Variants in MAP2K4 observed in about 807,000 individuals in gnomAD.
The protein encoded by MAP2K4 is mitogen-activated protein kinase kinase 4.
In MAP2K4, 4 loss-of-function variants were observed where a neutral mutation model predicts 48.5. The observed-to-expected ratio is 0.08, with a 90% CI of 0.04 to 0.19. MAP2K4 has a LOEUF of 0.19. Among genes scored for constraint, MAP2K4 ranks in the 10% least tolerant of loss-of-function variants. MAP2K4 has a pLI of 1.00. For synonymous variants in MAP2K4, 166 were observed against 173.1 expected (o/e 0.96, Z 0.32); for missense variants, 258 against 493.3 (o/e 0.52, Z 4.52).
In MAP2K4 at chr17:12,143,550, A is replaced by G. The variant is rs985072606; in HGVS notation, c.*2290A>G. 2.1e-4 allele frequency: 48 copies of G among 231,110 alleles called. No individual in the cohort carries two copies. Among genetic ancestry groups the G allele is most frequent in the Non-Finnish European group, 4.0e-4 (47 of 116,504 alleles). The allele number at this position is 231,110 out of a possible 1,614,324, so 14.3% of individuals were successfully genotyped here. A position where few individuals can be genotyped will look rare whatever the true frequency, so the allele number is the denominator to read the frequency against. On this transcript the variant is annotated 3_prime_UTR_variant, in exon 11 of 11. Transcript: ENST00000353533. ...AGCTAATGTGCAGGGATATTGCCTT[A>G]TTTGTCTGTAAAAAATGGAGCTCAG...
chr17:12,032,129 C>T, intron 1 of MAP2K4: 2 of 404,272 alleles, frequency 4.9e-6, no homozygotes, highest in Non-Finnish European at 8.8e-6. Context: ...GTTATTGTCT[C>T]TGGTGGGGGT....
intron 1 of MAP2K4, among the ~76,000 whole-genome samples, chr17:12,030,776 C>T (rs1202951336): frequency 1.3e-5 from 2 of 152,084 alleles, no homozygotes; most frequent in African/African-American, 4.8e-5. Flanking sequence ...TCCTTTTCAC[C>T]TCTTTCTTTT....
At chr17:12,060,655 C>A (rs764896504) in intron 2 of MAP2K4, among the ~76,000 whole-genome samples, 1 of 151,748 alleles carries the variant, frequency 6.6e-6, no homozygotes, top group Non-Finnish European at 1.5e-5. Context: ...TACAAAATAG[C>A]GGTAATGGTA....
At chr17:12,046,072 C>T (rs1969953744) in intron 1 of MAP2K4, among the ~76,000 whole-genome samples, 1 of 152,134 alleles carries the variant, frequency 6.6e-6, no homozygotes, top group Admixed American at 6.6e-5. Flanking sequence ...AGGTATGTAG[C>T]AGATTAGGCC....
intron 4 of MAP2K4, among the ~76,000 whole-genome samples, chr17:12,096,059 G>C (rs1235733783): frequency 6.2e-5 from 3 of 48,414 alleles, no homozygotes; most frequent in East Asian, 6.4e-4. Context: ...TGGGCCTTGA[G>C]CAACGCCTCC....
chr17:12,065,843 T>C (rs558032460), intron 2 of MAP2K4, among the ~76,000 whole-genome samples: 50 of 152,348 alleles, frequency 3.3e-4, no homozygotes, highest in African/African-American at 1.1e-3. Flanking sequence ...TTTAGATGAC[T>C]TGATGAATAT....
Position 12,141,144 on chromosome 17 carries a change from C to T in MAP2K4, c.1087-3C>T. ...GACTTTTTTGTTTTCAATTTTCTTG[C>T]AGAAACATCCCTTTATTTTGATGTA... On this transcript the variant is annotated splice_polypyrimidine_tract_variant and splice_region_variant and intron_variant, in intron 10 of 10. Coordinates refer to ENST00000353533, the MANE Select transcript of MAP2K4 (RefSeq NM_003010.4). The T allele has an allele frequency of 2.5e-6, 4 of 1,589,444 alleles. No individual in the cohort carries two copies. Among genetic ancestry groups the T allele is most frequent in the Non-Finnish European group, 3.5e-6 (4 of 1,157,842 alleles).
rs28921669 is a variant in MAP2K4, at chr17:12,043,909, G to C, written c.116-10980G>C. ...TCTAGTCCTTTTCACCTTCCTGGAG[G>C]TGTGTGTATGGGGGCGTGGCAGCTG... On this transcript the variant is annotated intron_variant, in intron 1 of 10. Coordinates refer to ENST00000353533, the MANE Select transcript of MAP2K4 (RefSeq NM_003010.4). Among the ~76,000 whole-genome samples, 458 of 152,208 alleles carry C rather than the reference G, an allele frequency of 3.0e-3. 3 individuals carry two copies. Among genetic ancestry groups the C allele is most frequent in the African/African-American group, 0.01 (435 of 41,530 alleles).
At chr17:12,062,800 G>A (rs28918119) in intron 2 of MAP2K4, among the ~76,000 whole-genome samples, 6,200 of 152,226 alleles carry the variant, frequency 0.041, 215 homozygotes, top group East Asian at 0.18. Flanking sequence ...ACCTTTGTAT[G>A]TGATCTCTTT....
At chr17:12,111,836 A>ATCACTAGGGGTCAAGT (rs66603851) in intron 6 of MAP2K4, among the ~76,000 whole-genome samples, 47 of 152,098 alleles carry the variant, frequency 3.1e-4, no homozygotes, top group African/African-American at 1.1e-3. Flanking sequence ...AAAGCACAAT[A>ATCACTAGGGGTCAAGT]TGCTCCTCTT....
At chr17:12,079,149 T>C (rs982026517) in intron 2 of MAP2K4, among the ~76,000 whole-genome samples, 4 of 144,130 alleles carry the variant, frequency 2.8e-5, no homozygotes, top group Admixed American at 2.1e-4. Context: ...GTATATTTAG[T>C]ATATTTACAG....
intron 4 of MAP2K4, among the ~76,000 whole-genome samples, chr17:12,097,973 CAG>C (rs1971814037): frequency 6.6e-6 from 1 of 152,156 alleles, no homozygotes; most frequent in African/African-American, 2.4e-5. Context: ...CCTCCCAAAT[CAG>C]AATGCAGTCT....
At chr17:12,051,816 AT>A (rs1228167006) in intron 1 of MAP2K4, among the ~76,000 whole-genome samples, 5 of 151,774 alleles carry the variant, frequency 3.3e-5, no homozygotes, top group African/African-American at 1.2e-4. Context: ...TTCGGTTTTG[AT>A]TTTTTTGAGG....
intron 2 of MAP2K4, among the ~76,000 whole-genome samples, chr17:12,055,476 T>G (rs1970256500): frequency 6.6e-6 from 1 of 152,090 alleles, no homozygotes; most frequent in African/African-American, 2.4e-5. Context: ...AAACCTCTTC[T>G]TATTTCCCAT....
rs1420503141 is a variant in MAP2K4 at position 12,110,692 on chromosome 17, A to T, written c.685+266A>T. 15 of 377,066 alleles carry T rather than the reference A, an allele frequency of 4.0e-5. No homozygotes were observed. In the South Asian group the frequency reaches 5.2e-4, roughly 13 times the overall value. The allele number at this position is 377,066 out of a possible 1,614,324, so 23.4% of individuals were successfully genotyped here. The stretch of plus-strand genomic sequence containing the variant: ...GTTATTAGTTGAAAAATAATTATTC[A>T]TTTGCCTGATAGATAATGTTTTTCT... On this transcript the variant is annotated intron_variant, in intron 6 of 10. Transcript: ENST00000353533.
At chr17:12,024,055 C>T (rs1031852756) in intron 1 of MAP2K4, among the ~76,000 whole-genome samples, 1 of 152,150 alleles carries the variant, frequency 6.6e-6, no homozygotes, top group Non-Finnish European at 1.5e-5. Context: ...ATTACTAGGT[C>T]CCACTGTTCT....
intron 1 of MAP2K4, among the ~76,000 whole-genome samples, chr17:12,033,783 A>C (rs1969510560): frequency 6.6e-6 from 1 of 152,084 alleles, no homozygotes; most frequent in African/African-American, 2.4e-5. Context: ...TTTGACCTAA[A>C]ATCTAATTAA....
At chr17:12,131,808 G>A (rs1235073923) in intron 9 of MAP2K4, among the ~76,000 whole-genome samples, 5 of 152,104 alleles carry the variant, frequency 3.3e-5, no homozygotes, top group African/African-American at 9.7e-5. Context: ...CCACACAGTA[G>A]AAGGAGATAT....
chr17:12,133,418 G>T (rs944734539), intron 9 of MAP2K4, among the ~76,000 whole-genome samples: 1 of 152,112 alleles, frequency 6.6e-6, no homozygotes, highest in Non-Finnish European at 1.5e-5. Flanking sequence ...CCCAGATAAG[G>T]AATTTTGCTT....
Sources: gnomAD v4.1 joint callset for allele counts (sites outside exome capture counted in the v4.1 genomes callset) on GRCh38, gnomAD v4.1.1 for gene constraint, MANE v1.5 for transcripts, NCBI Gene and HGNC (gene_info 2026-07-23, HGNC 2026-07-21) for gene names.